The following ELOVL2 variants were observed in gnomAD, a reference collection of about 807,000 sequenced individuals.
ELOVL2 encodes the protein ELOVL fatty acid elongase 2.
ELOVL2 carries 38 observed loss-of-function variants against 37.7 expected under a neutral mutation model. The observed-to-expected ratio is 1.01, with a 90% CI of 0.78 to 1.32. The LOEUF (loss-of-function observed/expected upper bound fraction) is 1.32. ELOVL2 is among the 40% of genes most tolerant of loss of function. The probability of loss-of-function intolerance (pLI) is 0.00; values close to 1 mark genes in which losing one functional copy is unlikely to be tolerated. For synonymous variants in ELOVL2, 115 were observed against 122.3 expected, an observed-to-expected ratio of 0.94 and a Z score of 0.40; for missense variants, 352 against 363.6, an observed-to-expected ratio of 0.97 and a Z score of 0.26.
chr6:10,991,487 CTT>C (rs758098779), intron 5 of ELOVL2, among the ~76,000 whole-genome samples: 8 of 152,076 alleles, frequency 5.3e-5, no homozygotes, highest in Admixed American at 5.2e-4. Flanking sequence ...ATAACTAGCT[CTT>C]AAGTTTGGGA....
In ELOVL2 at chr6:11,010,728, C is replaced by A. The variant is rs1057349192; in HGVS notation, c.67+18G>T. Reference sequence around the variant, plus strand: ...TCCTGTGTTCCTTCCACATTAAGTTCTCAAGTAATTCACTGACCTCGCGGT... The same window carrying A: ...TCCTGTGTTCCTTCCACATTAAGTTATCAAGTAATTCACTGACCTCGCGGT... On this transcript the variant is annotated intron_variant, in intron 2 of 7. Coordinates refer to ENST00000354666, the MANE Select transcript of ELOVL2 (RefSeq NM_017770.4). 6.2e-7 allele frequency: 1 copy of A among 1,601,854 alleles called. No homozygotes were observed. Among genetic ancestry groups the A allele is most frequent in the Non-Finnish European group, 8.5e-7 (1 of 1,170,360 alleles).
intron 1 of ELOVL2, among the ~76,000 whole-genome samples, chr6:11,014,433 C>T (rs980468599): frequency 6.7e-6 from 1 of 148,944 alleles, no homozygotes; most frequent in Non-Finnish European, 1.5e-5. Context: ...GAGCTGAGAT[C>T]GCACCACTGC....
intron 4 of ELOVL2, among the ~76,000 whole-genome samples, chr6:10,996,647 G>A (rs1422611352): frequency 6.6e-6 from 1 of 151,762 alleles, no homozygotes; most frequent in Non-Finnish European, 1.5e-5. Context: ...TCCGGCCTGG[G>A]GGAGAGTGAG....
At position 11,000,168 on chromosome 6, in the gene ELOVL2, C is replaced by A; in HGVS notation, c.256-4G>T. 6.2e-7 allele frequency: 1 copy of A among 1,613,622 alleles called. No homozygotes were observed. Among genetic ancestry groups the A allele is most frequent in the Non-Finnish European group, 8.5e-7 (1 of 1,179,636 alleles). ...CTTCCCAAGTGGAGAGAATGAGCTG[C>A]CAAAGAACCAAGAAAGAAAGAAAAA... On this transcript the variant is annotated splice_polypyrimidine_tract_variant and splice_region_variant and intron_variant, in intron 3 of 7. Transcript: ENST00000354666.
At chr6:11,041,807 G>A (rs1021864926) in intron 1 of ELOVL2, among the ~76,000 whole-genome samples, 2 of 151,962 alleles carry the variant, frequency 1.3e-5, no homozygotes, top group Non-Finnish European at 2.9e-5. Context: ...AAAAACCAAT[G>A]CCATAAATCC....
chr6:11,014,660 A>G (rs1258592665), intron 1 of ELOVL2, among the ~76,000 whole-genome samples: 2 of 151,478 alleles, frequency 1.3e-5, no homozygotes, highest in African/African-American at 2.4e-5. Flanking sequence ...TGTGTATACT[A>G]TATGTACTTG....
chr6:11,008,845 G>A (rs1340726633), intron 2 of ELOVL2, among the ~76,000 whole-genome samples: 2 of 152,164 alleles, frequency 1.3e-5, no homozygotes, highest in Non-Finnish European at 2.9e-5. Context: ...ATTTAGAACA[G>A]TTAATAGAGC....
chr6:11,033,609 A>G (rs957455415), intron 1 of ELOVL2, among the ~76,000 whole-genome samples: 1 of 152,232 alleles, frequency 6.6e-6, no homozygotes. Flanking sequence ...CAGTTTTATG[A>G]GTGCATAAGT....
At chr6:10,984,459 A>G (rs1172863916) in intron 7 of ELOVL2, among the ~76,000 whole-genome samples, 4 of 150,330 alleles carry the variant, frequency 2.7e-5, no homozygotes, top group South Asian at 2.1e-4. Flanking sequence ...TGCTGCACCC[A>G]TTAACTCGTC....
chr6:11,017,057 T>C lies in ELOVL2; in HGVS notation c.4-6248A>G, dbSNP rs187692183. Among the ~76,000 whole-genome samples, 5 of 152,282 alleles carry C rather than the reference T, an allele frequency of 3.3e-5. No homozygotes were observed. In the East Asian group the frequency reaches 9.7e-4, roughly 29 times the overall value. Reference sequence around the variant, plus strand: ...TTTTATGTATGGGAACTCTAAATTGTTATTATGTATCTTAGTAATATCATA... The same window carrying C: ...TTTTATGTATGGGAACTCTAAATTGCTATTATGTATCTTAGTAATATCATA... On this transcript the variant is annotated intron_variant, in intron 1 of 7. Transcript: ENST00000354666.
chr6:11,021,314 A>T (rs1398499620), intron 1 of ELOVL2, among the ~76,000 whole-genome samples: 1 of 152,194 alleles, frequency 6.6e-6, no homozygotes, highest in African/African-American at 2.4e-5. Context: ...ACTAGTCAAG[A>T]TCTTCTTTAC....
chr6:11,027,385 T>C (rs908120479), intron 1 of ELOVL2, among the ~76,000 whole-genome samples: 1 of 152,132 alleles, frequency 6.6e-6, no homozygotes, highest in Non-Finnish European at 1.5e-5. Context: ...GGGAGAGTCA[T>C]GGACTTTTTA....
chr6:11,024,517 C>G (rs760113508), intron 1 of ELOVL2, among the ~76,000 whole-genome samples: 4 of 152,214 alleles, frequency 2.6e-5, no homozygotes, highest in Non-Finnish European at 5.9e-5. Context: ...TACATGTATT[C>G]TCTAAGTACT....
At chr6:10,999,365 C>T (rs953384245) in intron 4 of ELOVL2, among the ~76,000 whole-genome samples, 9 of 147,040 alleles carry the variant, frequency 6.1e-5, no homozygotes, top group Non-Finnish European at 8.9e-5. Flanking sequence ...CTGTTCCCTC[C>T]CCTCAAAGGA....
At chr6:10,986,016 T>C (rs1782045307) in intron 7 of ELOVL2, among the ~76,000 whole-genome samples, 1 of 152,218 alleles carries the variant, frequency 6.6e-6, no homozygotes, top group Non-Finnish European at 1.5e-5. Flanking sequence ...TATCCTTTTT[T>C]ATTTCATTGA....
At chr6:10,989,153 G>A (rs1264699390) in intron 7 of ELOVL2, among the ~76,000 whole-genome samples, 1 of 152,050 alleles carries the variant, frequency 6.6e-6, no homozygotes, top group Non-Finnish European at 1.5e-5. Context: ...TGATATTTTT[G>A]ATAAAACCTT....
At chr6:11,042,425 T>C (rs1386398955) in intron 1 of ELOVL2, among the ~76,000 whole-genome samples, 1 of 152,190 alleles carries the variant, frequency 6.6e-6, no homozygotes, top group Non-Finnish European at 1.5e-5. Flanking sequence ...AGCATCACAC[T>C]TGGGCAGGAT....
intron 1 of ELOVL2, among the ~76,000 whole-genome samples, chr6:11,035,569 C>G (rs561799939): frequency 6.6e-6 from 1 of 152,310 alleles, no homozygotes; most frequent in East Asian, 1.9e-4. Flanking sequence ...GATGTTGGCT[C>G]TTTAGCTACC....
intron 4 of ELOVL2, among the ~76,000 whole-genome samples, chr6:10,996,356 G>A (rs1029436339): frequency 1.4e-4 from 21 of 152,154 alleles, no homozygotes; most frequent in African/African-American, 4.8e-4. Context: ...AATAAAATGG[G>A]TGCAGAGAAA....
Sources: allele counts gnomAD v4.1 joint callset (sites outside exome capture counted in the v4.1 genomes callset), GRCh38; gene constraint gnomAD v4.1.1; transcripts MANE v1.5; gene names NCBI Gene and HGNC (gene_info 2026-07-23, HGNC 2026-07-21).